The following GNA14 variants were observed in gnomAD, a reference collection of about 807,000 sequenced individuals.
The protein encoded by GNA14 is G protein subunit alpha 14, also known as guanine nucleotide-binding protein subunit alpha-14.
A neutral mutation model predicts 42.0 loss-of-function variants in GNA14; 50 were observed. The ratio of observed to expected loss-of-function variants is 1.19; its 90% CI spans 0.95 to 1.51. GNA14 has a LOEUF of 1.51. GNA14 is among the 40% of genes most tolerant of loss of function. The pLI is 0.00. For missense variants in GNA14, 473 were observed against 446.2 expected, an observed-to-expected ratio of 1.06 and a Z score of -0.54; for synonymous variants, 173 against 163.1, an observed-to-expected ratio of 1.06 and a Z score of -0.46.
At chr9:77,520,411 A>G (rs1453602756) in intron 2 of GNA14, among the ~76,000 whole-genome samples, 1 of 152,224 alleles carries the variant, frequency 6.6e-6, no homozygotes, top group Non-Finnish European at 1.5e-5. Context: ...CAGCTCTGCT[A>G]TGGGAAAGCA....
chr9:77,435,069 AAAAC>A (rs1835622347), intron 2 of GNA14, among the ~76,000 whole-genome samples: 3 of 151,606 alleles, frequency 2.0e-5, no homozygotes, highest in South Asian at 4.2e-4. Flanking sequence ...AAAAAAAAAA[AAAAC>A]ACTGGCCAGC....
In GNA14 at chr9:77,622,755, G is replaced by A. The variant is rs530464569; in HGVS notation, c.124+24915C>T. Reference sequence around the variant, plus strand: ...ACAAAAAAAAGAAAAATAGCCAGGCGTGGTGGCGGGTGCCTGTAGTCCCAA... The same window carrying A: ...ACAAAAAAAAGAAAAATAGCCAGGCATGGTGGCGGGTGCCTGTAGTCCCAA... On this transcript the variant is annotated intron_variant, in intron 1 of 6. Coordinates refer to ENST00000341700, the MANE Select transcript of GNA14 (RefSeq NM_004297.4). Among the ~76,000 whole-genome samples, 238 of 140,198 alleles carry A rather than the reference G, an allele frequency of 1.7e-3. 1 individual carries two copies. Among genetic ancestry groups the A allele is most frequent in the African/African-American group, 6.3e-3 (233 of 36,848 alleles). The allele number at this position is 140,198 out of a possible 152,430, so 92.0% of individuals were successfully genotyped here. A position where few individuals can be genotyped will look rare whatever the true frequency, so the allele number is the denominator to read the frequency against.
At position 77,474,042 on chromosome 9, in the gene GNA14, A is replaced by T. The variant is rs1274696197; in HGVS notation, c.310-39520T>A. Among the ~76,000 whole-genome samples, 34 of 152,238 alleles carry T rather than the reference A, an allele frequency of 2.2e-4. 1 individual carries two copies. On this transcript the variant is annotated intron_variant, in intron 2 of 6. Coordinates refer to ENST00000341700, the MANE Select transcript of GNA14 (RefSeq NM_004297.4). ...CATTTATCTAAACTGAAGAGCTAAAACTATAAAACTCTTAGAAGTAACATA... is the reference window on the plus strand; with the variant it reads ...CATTTATCTAAACTGAAGAGCTAAATCTATAAAACTCTTAGAAGTAACATA...
At chr9:77,543,139 T>C (rs934411389) in intron 1 of GNA14, among the ~76,000 whole-genome samples, 13 of 152,236 alleles carry the variant, frequency 8.5e-5, no homozygotes, top group Non-Finnish European at 1.8e-4. Flanking sequence ...TGGCCTCTCC[T>C]CTTCCTTCTT....
At chr9:77,440,580 G>A (rs1458814237) in intron 2 of GNA14, among the ~76,000 whole-genome samples, 1 of 152,004 alleles carries the variant, frequency 6.6e-6, no homozygotes, top group African/African-American at 2.4e-5. Flanking sequence ...TATATTTATG[G>A]CTTACAATTT....
intron 2 of GNA14, among the ~76,000 whole-genome samples, chr9:77,493,333 C>T (rs1253472771): frequency 6.6e-6 from 1 of 151,978 alleles, no homozygotes; most frequent in Non-Finnish European, 1.5e-5. Context: ...GCTTTAGGTG[C>T]TGCTTATCTT....
intron 4 of GNA14, among the ~76,000 whole-genome samples, chr9:77,431,024 T>TTTTGTGTG (rs1554686111): frequency 9.9e-6 from 1 of 101,466 alleles, no homozygotes; most frequent in South Asian, 2.8e-4. Flanking sequence ...AAGTATACAT[T>TTTTGTGTG]TGTGTGTGTG....
intron 2 of GNA14, among the ~76,000 whole-genome samples, chr9:77,458,796 G>C (rs1222458122): frequency 2.0e-5 from 3 of 151,304 alleles, no homozygotes; most frequent in Non-Finnish European, 4.4e-5. Flanking sequence ...AGGGGACACA[G>C]CAGAAATCAG....
intron 2 of GNA14, among the ~76,000 whole-genome samples, chr9:77,436,663 G>A (rs1213969342): frequency 6.6e-6 from 1 of 152,110 alleles, no homozygotes; most frequent in East Asian, 1.9e-4. Flanking sequence ...CAGTTGTGCT[G>A]AGCTCTACTC....
intron 2 of GNA14, among the ~76,000 whole-genome samples, chr9:77,470,703 AT>A (rs1384079095): frequency 2.6e-5 from 4 of 152,188 alleles, no homozygotes; most frequent in African/African-American, 7.2e-5. Flanking sequence ...AGACTGGGTA[AT>A]TTGTAAAGAA....
At chr9:77,524,850 T>G (rs967068958) in intron 2 of GNA14, among the ~76,000 whole-genome samples, 11 of 152,212 alleles carry the variant, frequency 7.2e-5, no homozygotes, top group African/African-American at 2.7e-4. Flanking sequence ...AATAACCTTG[T>G]GTTTCTCGAG....
intron 1 of GNA14, among the ~76,000 whole-genome samples, chr9:77,622,378 G>A (rs1823941265): frequency 6.6e-6 from 1 of 152,194 alleles, no homozygotes; most frequent in African/African-American, 2.4e-5. Context: ...CTTAGAAAGT[G>A]TAGAACCCCT....
chr9:77,560,492 T>G (rs1822864547), intron 1 of GNA14, among the ~76,000 whole-genome samples: 1 of 152,072 alleles, frequency 6.6e-6, no homozygotes, highest in South Asian at 2.1e-4. Flanking sequence ...TGGTTGGTTT[T>G]TTTTGTAGAG....
At chr9:77,564,100 A>C (rs1352951498) in intron 1 of GNA14, among the ~76,000 whole-genome samples, 1 of 152,168 alleles carries the variant, frequency 6.6e-6, no homozygotes, top group African/African-American at 2.4e-5. Context: ...ATATGCCTCA[A>C]AGGACCTTCC....
At chr9:77,570,733 A>C (rs901818520) in intron 1 of GNA14, among the ~76,000 whole-genome samples, 1 of 152,106 alleles carries the variant, frequency 6.6e-6, no homozygotes, top group African/African-American at 2.4e-5. Context: ...TATATGTTTC[A>C]ATTCTTTAGG....
chr9:77,624,056 G>A (rs1011889302), intron 1 of GNA14, among the ~76,000 whole-genome samples: 1 of 152,114 alleles, frequency 6.6e-6, no homozygotes, highest in Non-Finnish European at 1.5e-5. Context: ...GTCTGAGGTC[G>A]ACCTGGGACA....
rs1469448742 is a variant in GNA14, at chr9:77,528,732, C to T, written c.309+337G>A. On this transcript the variant is annotated intron_variant, in intron 2 of 6. Coordinates refer to ENST00000341700, the MANE Select transcript of GNA14 (RefSeq NM_004297.4). ...CGCTGGCCACTGTAAACCCAATGTC[C>T]CCATTGCTCCAATGAAGAAATTAAC... 2.6e-5 allele frequency among the ~76,000 whole-genome samples: 4 copies of T among 152,104 alleles called. No individual in the cohort carries two copies. The East Asian group carries it at 7.7e-4, about 29-fold the overall frequency.
chr9:77,488,404 G>A lies in GNA14; in HGVS notation c.309+40665C>T, dbSNP rs903656702. Among the ~76,000 whole-genome samples, 4 of 152,172 alleles carry A rather than the reference G, an allele frequency of 2.6e-5. No homozygotes were observed. In the South Asian group the frequency reaches 6.2e-4, roughly 24 times the overall value. On this transcript the variant is annotated intron_variant, in intron 2 of 6. Transcript: ENST00000341700. ...TCCCTCAATCCATGGGAAGCATCAT[G>A]AGCGCCTGAAAAGATAAATATCACT...
At position 77,426,179 on chromosome 9, in the gene GNA14, C is replaced by G. The variant is rs369285440; in HGVS notation, c.724-464G>C. On this transcript the variant is annotated intron_variant, in intron 5 of 6. Coordinates refer to ENST00000341700, the MANE Select transcript of GNA14 (RefSeq NM_004297.4). ...TGACAAGGCTCTTCCAGCAAGGCCA[C>G]TGGCCCTAGGAATGCTAGAAGTTGG... is the stretch of plus-strand genomic sequence containing the variant. Among the ~76,000 whole-genome samples, 6 of 152,300 alleles carry G rather than the reference C, an allele frequency of 3.9e-5. No homozygotes were observed. The East Asian group carries it at 1.2e-3, about 29-fold the overall frequency.
Sources: allele counts gnomAD v4.1 joint callset (sites outside exome capture counted in the v4.1 genomes callset), GRCh38; gene constraint gnomAD v4.1.1; transcripts MANE v1.5; gene names NCBI Gene and HGNC (gene_info 2026-07-23, HGNC 2026-07-21).